The following RABGAP1L variants were observed in gnomAD, a reference collection of about 807,000 sequenced individuals.
The protein encoded by RABGAP1L is RAB GTPase activating protein 1 like, also known as rab GTPase-activating protein 1-like.
Under a neutral mutation model 137.7 loss-of-function variants are expected in RABGAP1L, and 63 were observed. That is an observed-to-expected ratio of 0.46 (90% CI 0.37 to 0.56). The LOEUF (loss-of-function observed/expected upper bound fraction) is 0.56, where lower values mean the gene tolerates loss of function less well. RABGAP1L is among the 20% of genes least tolerant of loss of function. RABGAP1L has a pLI of 0.00. For synonymous variants in RABGAP1L, 431 were observed against 433.7 expected (o/e 0.99, Z 0.08); for missense variants, 1,095 against 1,244.0 (o/e 0.88, Z 1.80).
chr1:174,632,507 C>G (rs969512137), intron 13 of RABGAP1L, among the ~76,000 whole-genome samples: 6 of 150,612 alleles, frequency 4.0e-5, no homozygotes, highest in Non-Finnish European at 7.4e-5. Flanking sequence ...TGGTTCCATT[C>G]TCTGCATCAC....
intron 5 of RABGAP1L, chr1:174,246,299 A>G (rs1247366991): frequency 6.6e-6 from 1 of 152,202 alleles, no homozygotes; most frequent in East Asian, 1.9e-4. Context: ...TGTTTTCTGG[A>G]GAAAGATTGT....
At chr1:174,605,388 A>T (rs1670712214) in intron 13 of RABGAP1L, among the ~76,000 whole-genome samples, 1 of 152,022 alleles carries the variant, frequency 6.6e-6, no homozygotes, top group South Asian at 2.1e-4. Flanking sequence ...CATCTCAAAC[A>T]CCTGTTGCCA....
intron 11 of RABGAP1L, among the ~76,000 whole-genome samples, chr1:174,325,880 C>T (rs1318522935): frequency 6.6e-6 from 1 of 152,206 alleles, no homozygotes; most frequent in African/African-American, 2.4e-5. Flanking sequence ...AAGCACATTC[C>T]ACAGATCCTC....
At chr1:174,320,828 G>C (rs1469897483) in intron 11 of RABGAP1L, among the ~76,000 whole-genome samples, 3 of 152,116 alleles carry the variant, frequency 2.0e-5, no homozygotes, top group Non-Finnish European at 4.4e-5. Flanking sequence ...TGCACAAACT[G>C]TTCGTAAAGC....
At chr1:174,412,960 T>C (rs950841110) in intron 13 of RABGAP1L, among the ~76,000 whole-genome samples, 3 of 152,160 alleles carry the variant, frequency 2.0e-5, no homozygotes, top group Admixed American at 6.6e-5. Context: ...TCATTTTGTG[T>C]AGTATCTCAC....
chr1:174,853,624 G>C (rs532226230), intron 19 of RABGAP1L, among the ~76,000 whole-genome samples: 3 of 152,046 alleles, frequency 2.0e-5, no homozygotes, highest in African/African-American at 7.2e-5. Flanking sequence ...CCAGCTACTC[G>C]GGAGGCTGAG....
intron 13 of RABGAP1L, among the ~76,000 whole-genome samples, chr1:174,536,466 A>T (rs1468927050): frequency 6.6e-6 from 1 of 152,140 alleles, no homozygotes; most frequent in Non-Finnish European, 1.5e-5. Context: ...AGGATAACTG[A>T]GAATGATAAA....
intron 14 of RABGAP1L, among the ~76,000 whole-genome samples, chr1:174,658,510 C>T (rs1264310525): frequency 6.6e-6 from 1 of 152,138 alleles, no homozygotes; most frequent in African/African-American, 2.4e-5. Flanking sequence ...AGCAGTATCT[C>T]TCTATATATC....
At chr1:174,188,567 GTT>G (rs1391387905) in intron 1 of RABGAP1L, among the ~76,000 whole-genome samples, 1 of 152,154 alleles carries the variant, frequency 6.6e-6, no homozygotes. Context: ...GTTGGAGAAA[GTT>G]TTATGGATTT....
At chr1:174,479,112 C>T (rs1002755529) in intron 13 of RABGAP1L, among the ~76,000 whole-genome samples, 6 of 152,298 alleles carry the variant, frequency 3.9e-5, no homozygotes, top group African/African-American at 1.4e-4. Flanking sequence ...ATGCAAATAC[C>T]AATCACTTGG....
Position 174,660,558 on chromosome 1 carries a change from G to A in RABGAP1L, c.1825-22964G>A, listed in dbSNP as rs111618497. Among the ~76,000 whole-genome samples, 186 of 152,220 alleles carry A rather than the reference G, an allele frequency of 1.2e-3. 1 individual carries two copies. The highest frequency in any genetic ancestry group is 4.4e-3 in the African/African-American group (181 of 41,540). On this transcript the variant is annotated intron_variant, in intron 14 of 25. Transcript: ENST00000681986. ...CTACCTGGTCACCTTGCTTCCAGTG[G>A]GTTTCTTTTTCATTTAGTATTAAAG...
At chr1:174,356,929 A>G (rs1436000998) in intron 11 of RABGAP1L, among the ~76,000 whole-genome samples, 2 of 152,158 alleles carry the variant, frequency 1.3e-5, no homozygotes, top group Admixed American at 6.5e-5. Context: ...TTACAACACT[A>G]TGTAATTGAG....
intron 19 of RABGAP1L, among the ~76,000 whole-genome samples, chr1:174,908,044 A>G (rs1245747191): frequency 6.6e-6 from 1 of 152,236 alleles, no homozygotes; most frequent in Admixed American, 6.5e-5. Context: ...TACACTAATC[A>G]AAGAATGTAA....
At chr1:174,621,534 C>T (rs566007361) in intron 13 of RABGAP1L, among the ~76,000 whole-genome samples, 1 of 152,252 alleles carries the variant, frequency 6.6e-6, no homozygotes, top group South Asian at 2.1e-4. Flanking sequence ...GAACAGAGCC[C>T]TCAGAAGTAA....
intron 13 of RABGAP1L, among the ~76,000 whole-genome samples, chr1:174,512,972 G>A (rs1399680519): frequency 6.6e-6 from 1 of 152,120 alleles, no homozygotes; most frequent in Non-Finnish European, 1.5e-5. Context: ...GTGCTGTAAT[G>A]CAATGAAATT....
intron 13 of RABGAP1L, among the ~76,000 whole-genome samples, chr1:174,452,876 G>T (rs1328601485): frequency 6.6e-6 from 1 of 151,930 alleles, no homozygotes; most frequent in African/African-American, 2.4e-5. Context: ...CTGCTGTTTT[G>T]TTATCTTTGT....
chr1:174,927,577 G>A (rs917405195), intron 19 of RABGAP1L, among the ~76,000 whole-genome samples: 4 of 152,138 alleles, frequency 2.6e-5, no homozygotes, highest in South Asian at 2.1e-4. Flanking sequence ...GTTTTGCTAT[G>A]TTGATCAGAC....
At chr1:174,457,529 T>C (rs1374216932) in intron 13 of RABGAP1L, among the ~76,000 whole-genome samples, 1 of 144,490 alleles carries the variant, frequency 6.9e-6, no homozygotes, top group African/African-American at 2.6e-5. Context: ...TCACCCAGGC[T>C]GGAGAGTGAT....
chr1:174,371,570 T>A (rs1340756252), intron 12 of RABGAP1L, among the ~76,000 whole-genome samples: 3 of 152,014 alleles, frequency 2.0e-5, no homozygotes, highest in African/African-American at 7.2e-5. Context: ...TTATGTGGAA[T>A]TACAAAAAAA....
Sources: allele counts gnomAD v4.1 joint callset (sites outside exome capture counted in the v4.1 genomes callset), GRCh38; gene constraint gnomAD v4.1.1; transcripts MANE v1.5; gene names NCBI Gene and HGNC (gene_info 2026-07-23, HGNC 2026-07-21).